MAPK9: variants seen among roughly 807,000 people sequenced by gnomAD.
MAPK9 encodes the protein mitogen-activated protein kinase 9, also known as Jun kinase.
A neutral mutation model predicts 57.1 loss-of-function variants in MAPK9; 30 were observed. That is an observed-to-expected ratio of 0.53 (90% CI 0.39 to 0.71). The LOEUF is 0.71. Ranked by LOEUF, MAPK9 falls within the 30% of genes least tolerant of loss-of-function variation. The probability of loss-of-function intolerance (pLI) is 0.00; values close to 1 mark genes in which losing one functional copy is unlikely to be tolerated. For missense variants in MAPK9, 362 were observed against 521.0 expected (o/e 0.69, Z 2.97); for synonymous variants, 155 against 177.0 (o/e 0.88, Z 0.99).
chr5:180,267,959 T>A (rs907534534), intron 3 of MAPK9, among the ~76,000 whole-genome samples: 7 of 152,030 alleles, frequency 4.6e-5, no homozygotes, highest in African/African-American at 1.7e-4. Context: ...GCCTCCCGGG[T>A]TCATGCCATT....
At chr5:180,266,287 G>C (rs1228371090) in intron 3 of MAPK9, among the ~76,000 whole-genome samples, 2 of 151,090 alleles carry the variant, frequency 1.3e-5, no homozygotes, top group African/African-American at 4.9e-5. Context: ...AGTGCTGGGG[G>C]ATTCTGAAGT....
In MAPK9 at chr5:180,280,526, A is replaced by G; in HGVS notation, c.36T>C (p.Ser12=). ...SDSKCDSQFY[S]VQVADSTFTV... is the part of the protein sequence containing the mutation. ...TGAAGGTTGAGTCTGCCACTTGCAC[A>G]CTATAAAACTGACTGTCACATTTAC... The change falls in exon 2 of 12, where the codon AGT becomes AGC. Residue 12 remains serine (S), a synonymous_variant. Coordinates refer to ENST00000452135, the MANE Select transcript of MAPK9 (RefSeq NM_002752.5). The G allele has an allele frequency of 1.2e-6, 2 of 1,614,200 alleles. No homozygotes were observed. Among genetic ancestry groups the G allele is most frequent in the Non-Finnish European group, 8.5e-7 (1 of 1,180,022 alleles).
At chr5:180,253,494 G>T (rs940562756) in intron 5 of MAPK9, 7 of 152,444 alleles carry the variant, frequency 4.6e-5, no homozygotes, top group Admixed American at 3.9e-4. Flanking sequence ...GGCAGAAGAG[G>T]CAAGGGTAGC....
In MAPK9 at chr5:180,236,519, T is replaced by C; in HGVS notation, c.1140A>G (p.Ala380=). 1.2e-6 allele frequency: 2 copies of C among 1,613,870 alleles called. No homozygotes were observed. Among genetic ancestry groups the C allele is most frequent in the Non-Finnish European group, 1.7e-6 (2 of 1,179,804 alleles). ...GVVKDQPSDA[A]VSSNATPSQS... ...GAGAAGGAGTGGCGTTGCTACTTAC[T>C]GCTGCATCTGTGCTAAGAAAACCAA... The change falls in exon 12 of 12, where the codon GCA becomes GCG. Residue 380 remains alanine, a synonymous_variant. Coordinates refer to ENST00000452135, the MANE Select transcript of MAPK9 (RefSeq NM_002752.5).
At chr5:180,244,423 T>C (rs952534698) in intron 7 of MAPK9, among the ~76,000 whole-genome samples, 52 of 152,306 alleles carry the variant, frequency 3.4e-4, no homozygotes, top group African/African-American at 1.2e-3. Context: ...CAGTAGCTGC[T>C]TTCCTTTGGC....
chr5:180,254,606 C>T (rs1201700008), intron 5 of MAPK9, among the ~76,000 whole-genome samples: 1 of 152,134 alleles, frequency 6.6e-6, no homozygotes, highest in African/African-American at 2.4e-5. Flanking sequence ...AGGCCAAGTG[C>T]CCAGCAAAAC....
At chr5:180,270,308 C>T (rs902353083) in intron 2 of MAPK9, among the ~76,000 whole-genome samples, 8 of 152,150 alleles carry the variant, frequency 5.3e-5, no homozygotes, top group African/African-American at 1.2e-4. Flanking sequence ...TTGCCAAACT[C>T]GAACCTAATT....
intron 6 of MAPK9, among the ~76,000 whole-genome samples, chr5:180,248,219 AG>A (rs908371591): frequency 6.6e-6 from 1 of 152,244 alleles, no homozygotes; most frequent in Non-Finnish European, 1.5e-5. Context: ...CAGACAGCAG[AG>A]GCCTCTAAGT....
chr5:180,241,453 A>G (rs904289586), intron 8 of MAPK9, among the ~76,000 whole-genome samples: 1 of 151,940 alleles, frequency 6.6e-6, no homozygotes, highest in Admixed American at 6.6e-5. Flanking sequence ...GTCTGCCACC[A>G]TGCCCGGATA....
intron 9 of MAPK9, among the ~76,000 whole-genome samples, 155 bp from the exon 10 acceptor site, chr5:180,240,142 T>C (rs1291343103): frequency 6.6e-6 from 1 of 152,222 alleles, no homozygotes; most frequent in African/African-American, 2.4e-5. Flanking sequence ...TCATGTGATA[T>C]TATATCAACT....
intron 2 of MAPK9, among the ~76,000 whole-genome samples, chr5:180,270,247 T>C (rs1448847092): frequency 1.3e-5 from 2 of 152,244 alleles, no homozygotes; most frequent in Non-Finnish European, 2.9e-5. Flanking sequence ...TATTTCTTTA[T>C]TCCATTGAGT....
At chr5:180,243,883 T>C (rs1270471411) in intron 7 of MAPK9, among the ~76,000 whole-genome samples, 2 of 152,212 alleles carry the variant, frequency 1.3e-5, no homozygotes, top group African/African-American at 4.8e-5. Context: ...AGTCTCGCTC[T>C]GTCGCCCAGG....
intron 2 of MAPK9, 32 bp from the exon 3 acceptor site, chr5:180,269,441 T>C (rs1323554300): frequency 3.1e-6 from 5 of 1,598,782 alleles, no homozygotes; most frequent in Non-Finnish European, 4.3e-6. Context: ...CACAATCCAT[T>C]AGAACGGTTT....
chr5:180,242,623 A>C lies in MAPK9; in HGVS notation c.821T>G (p.Leu274Arg). 1 of 1,614,170 alleles carries C rather than the reference A, an allele frequency of 6.2e-7. No individual in the cohort carries two copies. Among genetic ancestry groups the C allele is most frequent in the Non-Finnish European group, 8.5e-7 (1 of 1,180,012 alleles). ...TGATGGGAATATCCAATCTGGAAAG[A>C]GTTCTTCAAATTTGATTCCAGGATA... ...PKYPGIKFEE[L>R]FPDWIFPSES... Residue 274 changes from leucine to arginine, a missense_variant, in exon 8 of 12, where the codon CTC becomes CGC. Around this residue, in one of 3 missense-constraint regions of MAPK9, gnomAD observed 199 missense variants for 251.3 expected, o/e 0.79. Coordinates refer to ENST00000452135, the MANE Select transcript of MAPK9 (RefSeq NM_002752.5).
intron 1 of MAPK9, among the ~76,000 whole-genome samples, chr5:180,281,795 C>T (rs1762334315): frequency 6.6e-6 from 1 of 152,198 alleles, no homozygotes. Context: ...CGGTCTTCTC[C>T]CCGTCCTCTG....
At chr5:180,239,090 A>G (rs951007122) in intron 10 of MAPK9, among the ~76,000 whole-genome samples, 5 of 152,238 alleles carry the variant, frequency 3.3e-5, no homozygotes, top group African/African-American at 1.2e-4. Context: ...AAAGGTAACC[A>G]GCACCCACAT....
chr5:180,263,016 A>C (rs1219784897), intron 4 of MAPK9: 2 of 152,280 alleles, frequency 1.3e-5, no homozygotes, highest in South Asian at 4.1e-4. Context: ...CAATTCAGAC[A>C]TATCTCCTGA....
At chr5:180,244,907 C>T (rs1757966021) in intron 7 of MAPK9, among the ~76,000 whole-genome samples, 1 of 152,212 alleles carries the variant, frequency 6.6e-6, no homozygotes, top group South Asian at 2.1e-4. Flanking sequence ...ATGCTGTGCC[C>T]ATCATGGCTG....
chr5:180,240,168 T>C (rs1022703688), intron 9 of MAPK9, among the ~76,000 whole-genome samples, 181 bp from the exon 10 acceptor site: 12 of 152,336 alleles, frequency 7.9e-5, no homozygotes, highest in African/African-American at 2.9e-4. Context: ...ATCAAAATAA[T>C]TATGAAAAAG....
Sources: gnomAD v4.1 joint callset for allele counts (sites outside exome capture counted in the v4.1 genomes callset) on GRCh38, gnomAD v4.1.1 for gene constraint, gnomAD v4.1.1 regional missense constraint, MANE v1.5 for transcripts, NCBI Gene and HGNC (gene_info 2026-07-23, HGNC 2026-07-21) for gene names.